PTCHD1: variants seen among roughly 807,000 people sequenced by gnomAD.
PTCHD1 encodes the protein patched domain containing 1, also known as patched domain-containing protein 1.
Under a neutral mutation model 34.6 loss-of-function variants are expected in PTCHD1, and 3 were observed. That is an observed-to-expected ratio of 0.09 (90% CI 0.04 to 0.22). The LOEUF is 0.22. Ranked by LOEUF, PTCHD1 falls within the 10% of genes least tolerant of loss-of-function variation. The probability of loss-of-function intolerance (pLI) is 1.00; values close to 1 mark genes in which losing one functional copy is unlikely to be tolerated. For missense variants in PTCHD1, 504 were observed against 685.5 expected, an observed-to-expected ratio of 0.74 and a Z score of 2.96; for synonymous variants, 305 against 283.1, an observed-to-expected ratio of 1.08 and a Z score of -0.77.
rs34539351 is a variant in PTCHD1 at position 23,394,409 on chromosome X, G to GACACAC, written c.*261_*266dup. 0.054 allele frequency: 10,707 copies of GACACAC among 197,416 alleles called. 413 individuals carry two copies. The highest frequency in any genetic ancestry group is 0.17 in the African/African-American group (4,492 of 27,078). 16.3% of individuals were successfully genotyped at this position (197,416 alleles called of 1,213,427 possible). A position where few individuals can be genotyped will look rare whatever the true frequency, so the allele number is the denominator to read the frequency against. ...TGTTATGAGAATTCACACACACATA[G>GACACAC]ACACACACACACACACACACACACA... On this transcript the variant is annotated 3_prime_UTR_variant, in exon 3 of 3. Transcript: ENST00000379361.
rs1018523552 is a variant in PTCHD1, at chrX:23,395,830, A to T, written c.*1645A>T. 1 of 112,062 alleles carries T rather than the reference A, an allele frequency of 8.9e-6. No individual in the cohort carries two copies. Among genetic ancestry groups the T allele is most frequent in the Admixed American group, 9.5e-5 (1 of 10,534 alleles). 9.2% of individuals were successfully genotyped at this position (112,062 alleles called of 1,213,427 possible). On this transcript the variant is annotated 3_prime_UTR_variant, in exon 3 of 3. Coordinates refer to ENST00000379361, the MANE Select transcript of PTCHD1 (RefSeq NM_173495.3). The stretch of plus-strand genomic sequence containing the variant: ...AAAGCATCTTACCTTTCTGAACCTT[A>T]GCAGACATACTGTGCAGCTTACCTA...
At position 23,389,617 on chromosome X, in the gene PTCHD1, C is replaced by T. The variant is rs1204133596; in HGVS notation, c.1013-2914C>T. ...TGGTCGGGGCCTTTGGAGGCAAAGT[C>T]AGGCACAACTAGCAACAAATGCTGA... On this transcript the variant is annotated intron_variant, in intron 2 of 2. Coordinates refer to ENST00000379361, the MANE Select transcript of PTCHD1 (RefSeq NM_173495.3). Among the ~76,000 whole-genome samples, 5 of 111,949 alleles carry T rather than the reference C, an allele frequency of 4.5e-5. No homozygotes were observed. The Admixed American group carries it at 4.7e-4, about 11-fold the overall frequency.
intron 1 of PTCHD1, among the ~76,000 whole-genome samples, chrX:23,350,848 T>C (rs1921613650): frequency 9.1e-6 from 1 of 110,282 alleles, no homozygotes; most frequent in African/African-American, 3.3e-5. Context: ...TAATTCATTA[T>C]GGGAGAAAGA....
intron 1 of PTCHD1, among the ~76,000 whole-genome samples, chrX:23,356,582 C>T (rs182219661): frequency 9.0e-6 from 1 of 111,670 alleles, no homozygotes; most frequent in Admixed American, 9.5e-5. Flanking sequence ...AAAGAGTGCC[C>T]GGTAAATCCC....
intron 1 of PTCHD1, among the ~76,000 whole-genome samples, chrX:23,338,015 T>A (rs58716861): frequency 0.19 from 20,581 of 111,053 alleles, 1,802 homozygotes; most frequent in African/African-American, 0.34. Flanking sequence ...CAGAAAAATA[T>A]CTGTATTTCA....
intron 1 of PTCHD1, among the ~76,000 whole-genome samples, chrX:23,354,673 A>G (rs2146619989): frequency 9.4e-6 from 1 of 106,735 alleles, no homozygotes; most frequent in East Asian, 3.0e-4. Context: ...CCCAGGTTCA[A>G]ACTATTCTCC....
Position 23,404,153 on chromosome X carries a change from A to G in PTCHD1, c.*9968A>G, listed in dbSNP as rs1161920558. 8.9e-6 allele frequency: 1 copy of G among 112,590 alleles called. No homozygotes were observed. The highest frequency in any genetic ancestry group is 1.9e-5 in the Non-Finnish European group (1 of 53,337). The allele number at this position is 112,590 out of a possible 1,213,427, so 9.3% of individuals were successfully genotyped here. ...AAATACATGGAGTCCTTAGTTGACT[A>G]TCTTTTCATATTAAAATCCCATCTT... On this transcript the variant is annotated 3_prime_UTR_variant, in exon 3 of 3. Transcript: ENST00000379361.
chrX:23,342,285 TATATATATATATATATATATATA>T (rs1921339647), intron 1 of PTCHD1, among the ~76,000 whole-genome samples: 1 of 16,011 alleles, frequency 6.2e-5, no homozygotes, highest in Non-Finnish European at 9.5e-5. Flanking sequence ...TATATATATA[TATATATATATATATATATATATA>T]TATTTTTTTT....
At chrX:23,369,185 G>C (rs1261426942) in intron 1 of PTCHD1, among the ~76,000 whole-genome samples, 1 of 111,943 alleles carries the variant, frequency 8.9e-6, no homozygotes, top group Non-Finnish European at 1.9e-5. Flanking sequence ...GCTTGTCATT[G>C]GTGATGGGCT....
Position 23,399,657 on chromosome X carries a change from A to T in PTCHD1, c.*5472A>T, listed in dbSNP as rs1454133963. 1 of 112,238 alleles carries T rather than the reference A, an allele frequency of 8.9e-6. No homozygotes were observed. Among genetic ancestry groups the T allele is most frequent in the East Asian group, 2.8e-4 (1 of 3,591 alleles). The allele number at this position is 112,238 out of a possible 1,213,427, so 9.2% of individuals were successfully genotyped here. On this transcript the variant is annotated 3_prime_UTR_variant, in exon 3 of 3. Coordinates refer to ENST00000379361, the MANE Select transcript of PTCHD1 (RefSeq NM_173495.3). ...GCCAAGTGCCTACTTCTATTCATTT[A>T]TTCTTCATTCATTCTTTCATTCATT...
chrX:23,366,847 C>T (rs187238822), intron 1 of PTCHD1, among the ~76,000 whole-genome samples: 28 of 110,104 alleles, frequency 2.5e-4, no homozygotes, highest in African/African-American at 7.6e-4. Context: ...TAAGATCCTC[C>T]GTCGTCTGAC....
rs778155176 is a variant in PTCHD1 at position 23,393,436 on chromosome X, G to A, written c.1918G>A (p.Val640Ile). Reference protein sequence around the residue: ...IIFSKKYNDEVDVVASRMFLV... With the variant: ...IIFSKKYNDEIDVVASRMFLV... ...CTTCTCTAAAAAATACAATGATGAG[G>A]TCGATGTAGTGGCCTCCAGAATGTT... Residue 640 changes from valine to isoleucine, a missense_variant, in exon 3 of 3, where the codon GTC becomes ATC. Physicochemically the swap from Val to Ile is conservative, Grantham distance 29 (BLOSUM62 3). Transcript: ENST00000379361. 3 of 1,208,651 alleles carry A rather than the reference G, an allele frequency of 2.5e-6. No homozygotes were observed. The highest frequency in any genetic ancestry group is 1.8e-5 in the South Asian group (1 of 56,769).
chrX:23,382,421 T>G (rs1397080438), intron 2 of PTCHD1, among the ~76,000 whole-genome samples: 1 of 112,760 alleles, frequency 8.9e-6, no homozygotes, highest in African/African-American at 3.2e-5. Context: ...TTGTACTTTT[T>G]AAAGAGGTTT....
chrX:23,389,599 G>C lies in PTCHD1; in HGVS notation c.1013-2932G>C, dbSNP rs142864662. 2.1e-4 allele frequency among the ~76,000 whole-genome samples: 23 copies of C among 111,809 alleles called. No individual in the cohort carries two copies. In the East Asian group the frequency reaches 6.2e-3, roughly 30 times the overall value. ...CTGACCTATCAGGAATGGTGGTCGG[G>C]GCCTTTGGAGGCAAAGTCAGGCACA... On this transcript the variant is annotated intron_variant, in intron 2 of 2. Coordinates refer to ENST00000379361, the MANE Select transcript of PTCHD1 (RefSeq NM_173495.3).
chrX:23,349,083 C>A (rs1300825476), intron 1 of PTCHD1, among the ~76,000 whole-genome samples: 5 of 111,228 alleles, frequency 4.5e-5, no homozygotes, highest in African/African-American at 1.3e-4. Context: ...TAAAGGTGAA[C>A]TTAAATTAGG....
chrX:23,385,308 T>G (rs1342152221), intron 2 of PTCHD1, among the ~76,000 whole-genome samples: 1 of 111,609 alleles, frequency 9.0e-6, no homozygotes, highest in Admixed American at 9.6e-5. Flanking sequence ...CAAGTTTTAT[T>G]GTTCTATTTT....
intron 2 of PTCHD1, among the ~76,000 whole-genome samples, chrX:23,390,035 T>TA (rs1483682437): frequency 1.8e-5 from 2 of 112,095 alleles, no homozygotes; most frequent in Non-Finnish European, 3.8e-5. Flanking sequence ...AACAGCAAGG[T>TA]ATGAAATTGA....
Position 23,366,901 on chromosome X carries a change from T to G in PTCHD1, c.352-12690T>G, listed in dbSNP as rs72620442. ...TCTTATTCTATTGCACACTCACCAC[T>G]GCTACACACATGCTCCTGGTACACA... On this transcript the variant is annotated intron_variant, in intron 1 of 2. Transcript: ENST00000379361. 1.3e-4 allele frequency among the ~76,000 whole-genome samples: 13 copies of G among 102,738 alleles called. No individual in the cohort carries two copies. In the East Asian group the frequency reaches 4.0e-3, roughly 31 times the overall value. 89.2% of individuals were successfully genotyped at this position (102,738 alleles called of 115,157 possible).
intron 2 of PTCHD1, among the ~76,000 whole-genome samples, chrX:23,382,867 G>A (rs1327778119): frequency 2.7e-5 from 3 of 112,493 alleles, no homozygotes; most frequent in African/African-American, 3.2e-5. Flanking sequence ...CACTTTGCAC[G>A]ATGTAATGGG....
Sources: allele counts gnomAD v4.1 joint callset (sites outside exome capture counted in the v4.1 genomes callset), GRCh38; gene constraint gnomAD v4.1.1; transcripts MANE v1.5; gene names NCBI Gene and HGNC (gene_info 2026-07-23, HGNC 2026-07-21).